The following DDB1 variants were observed in gnomAD, a reference collection of about 807,000 sequenced individuals.
DDB1 encodes DNA damage-binding protein 1.
In DDB1, 18 loss-of-function variants were observed where a neutral mutation model predicts 133.1. That is an observed-to-expected ratio of 0.14 (90% CI 0.09 to 0.20). The LOEUF is 0.20. Among genes scored for constraint, DDB1 ranks in the 10% least tolerant of loss-of-function variants. The probability of loss-of-function intolerance (pLI) is 1.00; values close to 1 mark genes in which losing one functional copy is unlikely to be tolerated. For missense variants in DDB1, 828 were observed against 1,459.2 expected, an observed-to-expected ratio of 0.57 and a Z score of 7.05; for synonymous variants, 580 against 550.5, an observed-to-expected ratio of 1.05 and a Z score of -0.75.
intron 9 of DDB1, chr11:61,321,928 T>C (rs930071919): frequency 1.1e-5 from 6 of 559,322 alleles, no homozygotes; most frequent in South Asian, 2.4e-5. Flanking sequence ...CCTAGCAAGC[T>C]TGCTTAGATC....
At chr11:61,302,392 G>A (rs752312432) in intron 24 of DDB1, 33 bp from the exon 25 acceptor site, 2 of 1,602,866 alleles carry the variant, frequency 1.2e-6, no homozygotes, top group Non-Finnish European at 1.7e-6. Flanking sequence ...GAGCTGCAGA[G>A]AGCTCAACCC....
intron 5 of DDB1, 93 bp from the exon 6 acceptor site, chr11:61,325,801 A>G: frequency 1.1e-6 from 1 of 908,148 alleles, no homozygotes; most frequent in Non-Finnish European, 1.8e-6. Context: ...CCCCAAGGCA[A>G]ACTTTAAGGT....
intron 10 of DDB1, among the ~76,000 whole-genome samples, chr11:61,316,925 A>G (rs1856078997): frequency 9.4e-6 from 1 of 106,360 alleles, no homozygotes; most frequent in Non-Finnish European, 1.9e-5. Context: ...GTCTCAAAAA[A>G]AAAAAAAAAA....
In DDB1 at chr11:61,316,350, T is replaced by G; in HGVS notation, c.1345A>C (p.Met449Leu). 1 of 1,614,136 alleles carries G rather than the reference T, an allele frequency of 6.2e-7. No homozygotes were observed. Among genetic ancestry groups the G allele is most frequent in the East Asian group, 2.2e-5 (1 of 44,886 alleles). ...GTCTGCTGATCATCCACGAAACCCA[T>G]CAGTTCGGTTTCTTCTACCTCCTCT... ...NGEEVEETEL[M>L]GFVDDQQTFF... Residue 449 changes from methionine to leucine, a missense_variant, in exon 12 of 27, where the codon ATG becomes CTG. Met to Leu is a conservative substitution (Grantham distance 15, BLOSUM62 2). This residue lies in a region of DDB1 where 396 missense variants were observed against 554.1 expected (regional missense o/e 0.71). Coordinates refer to ENST00000301764, the MANE Select transcript of DDB1 (RefSeq NM_001923.5).
chr11:61,302,181 T>G lies in DDB1; in HGVS notation c.3215+76A>C, dbSNP rs561941161. 9 of 1,283,802 alleles carry G rather than the reference T, an allele frequency of 7.0e-6. No homozygotes were observed. In the African/African-American group the frequency reaches 1.2e-4, roughly 17 times the overall value. The allele number at this position is 1,283,802 out of a possible 1,614,324, so 79.5% of individuals were successfully genotyped here. A position where few individuals can be genotyped will look rare whatever the true frequency, so the allele number is the denominator to read the frequency against. Reference sequence around the variant, plus strand: ...AACCTAATCAAGACATGTAGTAGCTTCCGGGTAATGTGACTCCGTGTGCCA... The same window carrying G: ...AACCTAATCAAGACATGTAGTAGCTGCCGGGTAATGTGACTCCGTGTGCCA... On this transcript the variant is annotated intron_variant, in intron 25 of 26. Transcript: ENST00000301764.
rs762431268 is a variant in DDB1, at chr11:61,331,561, C to T, written c.192G>A (p.Met64Ile). The T allele has an allele frequency of 1.2e-6, 2 of 1,614,184 alleles. No individual in the cohort carries two copies. Among genetic ancestry groups the T allele is most frequent in the East Asian group, 4.5e-5 (2 of 44,886 alleles). ...CACTTACCTTGGGCCTGAAAAGCTC[C>T]ATGACCGCAATCTTCCCATACATGC... ...EVGMYGKIAV[M>I]ELFRPKGESK... is the part of the protein sequence containing the mutation. The change falls in exon 2 of 27, where the codon ATG (methionine) becomes ATA (isoleucine). Residue 64 changes from methionine (M) to isoleucine (I), a missense_variant. Physicochemically the swap from Met to Ile is conservative, Grantham distance 10. Around this residue, in one of 7 missense-constraint regions of DDB1, gnomAD observed 210 missense variants for 344.8 expected, o/e 0.61. Coordinates refer to ENST00000301764, the MANE Select transcript of DDB1 (RefSeq NM_001923.5).
chr11:61,330,597 G>A (rs1856350838), intron 2 of DDB1, among the ~76,000 whole-genome samples: 1 of 152,100 alleles, frequency 6.6e-6, no homozygotes, highest in Non-Finnish European at 1.5e-5. Flanking sequence ...AAGCAATGTG[G>A]TGGTGATTTG....
intron 21 of DDB1, among the ~76,000 whole-genome samples, chr11:61,305,229 C>CG (rs1233490198): frequency 6.6e-6 from 1 of 152,204 alleles, no homozygotes; most frequent in Non-Finnish European, 1.5e-5. Flanking sequence ...CAATGGTTGG[C>CG]GGGGCGCAGT....
At chr11:61,302,557 G>C (rs896873950) in intron 24 of DDB1, 25 bp downstream of exon 24, 19 of 1,612,760 alleles carry the variant, frequency 1.2e-5, no homozygotes, top group Middle Eastern at 1.6e-4. Flanking sequence ...CTGTGTGGGG[G>C]TGTGCCCCAC....
chr11:61,332,010 A>T (rs1053380787), intron 1 of DDB1: 2 of 233,430 alleles, frequency 8.6e-6, no homozygotes, highest in Middle Eastern at 1.5e-3. Context: ...TTACAGTTAC[A>T]GTGGCAGGCT....
intron 21 of DDB1, among the ~76,000 whole-genome samples, chr11:61,308,170 T>C (rs1304669961): frequency 6.6e-6 from 1 of 152,212 alleles, no homozygotes; most frequent in Non-Finnish European, 1.5e-5. Context: ...TTCTGGCCCC[T>C]GGCTGTCCCT....
At chr11:61,331,035 C>G (rs1226967466) in intron 2 of DDB1, among the ~76,000 whole-genome samples, 3 of 152,106 alleles carry the variant, frequency 2.0e-5, no homozygotes, top group Admixed American at 2.0e-4. Context: ...TCACAACAAC[C>G]CAGGGGATTT....
chr11:61,308,211 A>G (rs1855907804), intron 21 of DDB1, among the ~76,000 whole-genome samples: 1 of 152,148 alleles, frequency 6.6e-6, no homozygotes, highest in Admixed American at 6.5e-5. Flanking sequence ...ACACCAGCTC[A>G]GTCCCCACAG....
intron 1 of DDB1, 181 bp from the exon 2 acceptor site, chr11:61,331,872 G>A: frequency 2.8e-6 from 2 of 726,922 alleles, no homozygotes; most frequent in Non-Finnish European, 4.4e-6. Context: ...CTCAGTTCAT[G>A]CATTCAACAA....
At chr11:61,328,383 T>G (rs1485832411) in intron 4 of DDB1, among the ~76,000 whole-genome samples, 1 of 152,210 alleles carries the variant, frequency 6.6e-6, no homozygotes, top group East Asian at 1.9e-4. Context: ...TTTCCTTCCA[T>G]CACTTATTCA....
intron 3 of DDB1, 126 bp from the exon 4 acceptor site, chr11:61,329,710 C>G (rs1856333915): frequency 2.3e-6 from 2 of 883,910 alleles, no homozygotes; most frequent in Middle Eastern, 3.5e-4. Flanking sequence ...TTTGATAGGC[C>G]AAATAGTTGG....
rs374720910 is a variant in DDB1, at chr11:61,309,969, T to G, written c.2402-9A>C. 6.2e-7 allele frequency: 1 copy of G among 1,613,900 alleles called. No homozygotes were observed. Among genetic ancestry groups the G allele is most frequent in the African/African-American group, 1.3e-5 (1 of 74,956 alleles). On this transcript the variant is annotated splice_polypyrimidine_tract_variant and intron_variant, in intron 19 of 26. Coordinates refer to ENST00000301764, the MANE Select transcript of DDB1 (RefSeq NM_001923.5). Reference sequence around the variant, plus strand: ...CTGGTGGGCATGAAGCACTAGAGAGTAGAGAGATGACTACGTGATGACAGG... The same window carrying G: ...CTGGTGGGCATGAAGCACTAGAGAGGAGAGAGATGACTACGTGATGACAGG...
chr11:61,312,608 CT>C (rs1235522809), intron 16 of DDB1, among the ~76,000 whole-genome samples: 4 of 144,156 alleles, frequency 2.8e-5, no homozygotes, highest in South Asian at 4.5e-4. Context: ...CTCCCAGTTT[CT>C]TTTTTTTTAA....
In DDB1 at chr11:61,302,309, G is replaced by A; in HGVS notation, c.3163C>T (p.Gln1055Ter). 6.2e-7 allele frequency: 1 copy of A among 1,614,202 alleles called. No individual in the cohort carries two copies. Among genetic ancestry groups the A allele is most frequent in the Non-Finnish European group, 8.5e-7 (1 of 1,180,022 alleles). ...TTGATGACTTTATTGAGTCGATTCT[G>A]CATGTCCAGCAGGAGGTTGTACCAG... Reference protein sequence around the residue: ...ESWYNLLLDMQNRLNKVIKSV... With the variant: ...ESWYNLLLDM Residue 1055 changes from glutamine to a stop codon, truncating the protein, a stop_gained, in exon 25 of 27, where the codon CAG becomes TAG. Coordinates refer to ENST00000301764, the MANE Select transcript of DDB1 (RefSeq NM_001923.5). LOFTEE classifies it high-confidence loss of function.
Sources: allele counts gnomAD v4.1 joint callset (sites outside exome capture counted in the v4.1 genomes callset), GRCh38; gene constraint gnomAD v4.1.1; regional missense constraint gnomAD v4.1.1; transcripts MANE v1.5; gene names NCBI Gene and HGNC (gene_info 2026-07-23, HGNC 2026-07-21).